QRFPR: variants seen among roughly 807,000 people sequenced by gnomAD.
The protein encoded by QRFPR is pyroglutamylated RF-amide peptide receptor.
A neutral mutation model predicts 31.3 loss-of-function variants in QRFPR; 37 were observed. The observed-to-expected ratio is 1.18, with a 90% CI of 0.91 to 1.56. The LOEUF is 1.56. QRFPR is among the 40% of genes most tolerant of loss of function. The pLI is 0.00. For missense variants in QRFPR, 542 were observed against 532.5 expected (o/e 1.02, Z -0.18); for synonymous variants, 197 against 192.0 (o/e 1.03, Z -0.22).
rs937808092 is a variant in QRFPR, at chr4:121,328,891, G to C, written c.*423C>G. ...CCGCCTGAGGCTCCCAAGTAGCTGG[G>C]ACTACAGGTGCCCGCCACCACGCCC... On this transcript the variant is annotated 3_prime_UTR_variant, in exon 6 of 6. Transcript: ENST00000394427. Among the ~76,000 whole-genome samples the C allele has an allele frequency of 6.6e-6, 1 of 152,168 alleles. No individual in the cohort carries two copies. Among genetic ancestry groups the C allele is most frequent in the African/African-American group, 2.4e-5 (1 of 41,444 alleles).
chr4:121,364,057 A>T (rs1388757457), intron 1 of QRFPR, among the ~76,000 whole-genome samples: 1 of 150,150 alleles, frequency 6.7e-6, no homozygotes, highest in East Asian at 2.0e-4. Flanking sequence ...GTCAAGGAAC[A>T]TTCAGCTGGG....
intron 1 of QRFPR, among the ~76,000 whole-genome samples, chr4:121,354,777 A>G (rs1232711394): frequency 6.6e-6 from 1 of 152,026 alleles, no homozygotes; most frequent in Non-Finnish European, 1.5e-5. Flanking sequence ...GCATTTTATC[A>G]AATGCTTTTT....
chr4:121,354,879 C>T (rs563107982), intron 1 of QRFPR, among the ~76,000 whole-genome samples: 5 of 152,042 alleles, frequency 3.3e-5, no homozygotes, highest in African/African-American at 7.2e-5. Context: ...CTGATTGATT[C>T]GCATAGGTTG....
chr4:121,341,467 C>T (rs1725541844), intron 1 of QRFPR, among the ~76,000 whole-genome samples: 1 of 152,170 alleles, frequency 6.6e-6, no homozygotes, highest in East Asian at 1.9e-4. Context: ...AAATGCTCTG[C>T]CAAGCTCTGC....
Position 121,380,347 on chromosome 4 carries a change from C to T in QRFPR, c.301G>A (p.Val101Ile), listed in dbSNP as rs1417537091. 4 of 1,613,962 alleles carry T rather than the reference C, an allele frequency of 2.5e-6. No individual in the cohort carries two copies. The highest frequency in any genetic ancestry group is 3.4e-6 in the Non-Finnish European group (4 of 1,179,970). ...DLLITFFCIP[V>I]TMLQNISDNW... ...TCGGAAATGTTCTGGAGCATGGTGA[C>T]GGGAATGCAGAAGAAGGTGATGAGC... Residue 101 changes from valine to isoleucine, a missense_variant, in exon 1 of 6, where the codon GTC becomes ATC. Physicochemically the swap from Val to Ile is conservative, Grantham distance 29 (BLOSUM62 3). Coordinates refer to ENST00000394427, the MANE Select transcript of QRFPR (RefSeq NM_198179.3).
At chr4:121,340,411 A>G in intron 2 of QRFPR, 41 bp downstream of exon 2, 1 of 1,606,994 alleles carries the variant, frequency 6.2e-7, no homozygotes. Context: ...TGTAATGAAG[A>G]ATGTCATTCA....
chr4:121,335,095 T>A (rs2110467715), intron 3 of QRFPR, among the ~76,000 whole-genome samples: 1 of 152,308 alleles, frequency 6.6e-6, no homozygotes, highest in African/African-American at 2.4e-5. Context: ...ACTAGACTCA[T>A]CTATTTGACA....
At chr4:121,377,027 GA>G (rs61468659) in intron 1 of QRFPR, among the ~76,000 whole-genome samples, 2,617 of 152,334 alleles carry the variant, frequency 0.017, 66 homozygotes, top group East Asian at 0.11. Context: ...AGCATTGTCA[GA>G]AATATTTGAG....
intron 2 of QRFPR, among the ~76,000 whole-genome samples, chr4:121,338,713 G>A (rs1039475922): frequency 6.6e-6 from 1 of 152,174 alleles, no homozygotes; most frequent in Non-Finnish European, 1.5e-5. Flanking sequence ...GTGTGACAAA[G>A]CTACAGGAGA....
chr4:121,369,659 G>C, intron 1 of QRFPR: 1 of 1,585,924 alleles, frequency 6.3e-7, no homozygotes, highest in Non-Finnish European at 8.7e-7. Context: ...CTTCTGAAGG[G>C]ATCTCAGTCC....
chr4:121,366,098 C>T (rs575268778), intron 1 of QRFPR, among the ~76,000 whole-genome samples: 9 of 149,208 alleles, frequency 6.0e-5, no homozygotes, highest in Admixed American at 1.3e-4. Flanking sequence ...CACCCCTGCA[C>T]AAACAGGGCC....
At chr4:121,336,028 G>A (rs1434651128) in intron 3 of QRFPR, among the ~76,000 whole-genome samples, 1 of 152,060 alleles carries the variant, frequency 6.6e-6, no homozygotes, top group Non-Finnish European at 1.5e-5. Context: ...TCTTATCTTA[G>A]GCTCATTTGT....
In QRFPR at chr4:121,340,446, C is replaced by T; in HGVS notation, c.499+6G>A. ...ACACTGCCATTGGCACATCCAGTGGCCTCACCTAGCATTGTGAAAGCCCTT... is the reference window on the plus strand; with the variant it reads ...ACACTGCCATTGGCACATCCAGTGGTCTCACCTAGCATTGTGAAAGCCCTT... On this transcript the variant is annotated splice_donor_region_variant and intron_variant, in intron 2 of 5. Transcript: ENST00000394427. 6.2e-7 allele frequency: 1 copy of T among 1,613,838 alleles called. No homozygotes were observed. The highest frequency in any genetic ancestry group is 8.5e-7 in the Non-Finnish European group (1 of 1,179,810).
At chr4:121,351,302 T>C (rs1725756557) in intron 1 of QRFPR, among the ~76,000 whole-genome samples, 1 of 152,170 alleles carries the variant, frequency 6.6e-6, no homozygotes, top group Non-Finnish European at 1.5e-5. Context: ...GAGCCACAGC[T>C]CATATGAATT....
intron 2 of QRFPR, chr4:121,340,207 C>G: frequency 2.2e-6 from 1 of 454,602 alleles, no homozygotes; most frequent in Non-Finnish European, 4.0e-6. Context: ...GAACATAGTG[C>G]TTAAACGTTT....
chr4:121,349,858 G>A (rs113034171), intron 1 of QRFPR, among the ~76,000 whole-genome samples: 27 of 152,064 alleles, frequency 1.8e-4, no homozygotes, highest in Non-Finnish European at 3.2e-4. Context: ...TTCATGGTAC[G>A]TCATAAATAT....
Position 121,380,913 on chromosome 4 carries a change from A to G in QRFPR, c.-266T>C. The G allele has an allele frequency of 2.1e-6, 1 of 476,088 alleles. No individual in the cohort carries two copies. The highest frequency in any genetic ancestry group is 3.9e-5 in the South Asian group (1 of 25,342). The allele number at this position is 476,088 out of a possible 1,614,324, so 29.5% of individuals were successfully genotyped here. On this transcript the variant is annotated 5_prime_UTR_variant, in exon 1 of 6. Coordinates refer to ENST00000394427, the MANE Select transcript of QRFPR (RefSeq NM_198179.3). ...ACCAAAAAATGTTCGCGGTTCAAAT[A>G]AAGTTCTTCCCTTGCTCTTCCCTAA...
At position 121,329,260 on chromosome 4, in the gene QRFPR, T is replaced by C; in HGVS notation, c.*54A>G. 1 of 1,354,378 alleles carries C rather than the reference T, an allele frequency of 7.4e-7. No individual in the cohort carries two copies. Among genetic ancestry groups the C allele is most frequent in the Admixed American group, 2.3e-5 (1 of 44,206 alleles). The allele number at this position is 1,354,378 out of a possible 1,614,324, so 83.9% of individuals were successfully genotyped here. On this transcript the variant is annotated 3_prime_UTR_variant, in exon 6 of 6. Coordinates refer to ENST00000394427, the MANE Select transcript of QRFPR (RefSeq NM_198179.3). ...AGTATTTGACCTTTGCTCAAAATAA[T>C]TTTCTCTTTGGGTTACAATCTGAAG...
At chr4:121,365,655 T>A (rs1384750586) in intron 1 of QRFPR, among the ~76,000 whole-genome samples, 1 of 27,956 alleles carries the variant, frequency 3.6e-5, no homozygotes, top group Non-Finnish European at 6.0e-5. Context: ...ATATTATATA[T>A]TATATATATT....
Sources: allele counts gnomAD v4.1 joint callset (sites outside exome capture counted in the v4.1 genomes callset), GRCh38; gene constraint gnomAD v4.1.1; transcripts MANE v1.5; gene names NCBI Gene and HGNC (gene_info 2026-07-23, HGNC 2026-07-21).